The following RETREG1 variants were observed in gnomAD, a reference collection of about 807,000 sequenced individuals.
RETREG1 encodes reticulophagy regulator 1, also known as family with sequence similarity 134 member B.
In RETREG1, 44 loss-of-function variants were observed where a neutral mutation model predicts 54.8. The ratio of observed to expected loss-of-function variants is 0.80; its 90% CI spans 0.63 to 1.03. The LOEUF (loss-of-function observed/expected upper bound fraction) is 1.03, where lower values mean the gene tolerates loss of function less well. RETREG1 is among the 50% of genes least tolerant of loss of function. RETREG1 has a pLI of 0.00. For missense variants in RETREG1, 554 were observed against 605.1 expected (o/e 0.92, Z 0.89); for synonymous variants, 217 against 238.5 (o/e 0.91, Z 0.83).
At chr5:16,551,047 T>A (rs930238102) in intron 3 of RETREG1, among the ~76,000 whole-genome samples, 2 of 152,244 alleles carry the variant, frequency 1.3e-5, no homozygotes, top group African/African-American at 4.8e-5. Context: ...CTTGTAAATG[T>A]ACAAAATGTC....
At chr5:16,520,315 TG>T (rs769814620) in intron 3 of RETREG1, among the ~76,000 whole-genome samples, 1 of 131,382 alleles carries the variant, frequency 7.6e-6, no homozygotes, top group Non-Finnish European at 1.6e-5. Context: ...GGGGGTTTTG[TG>T]GTTTTTTTTT....
chr5:16,535,262 G>A (rs1371308872), intron 3 of RETREG1, among the ~76,000 whole-genome samples: 4 of 152,208 alleles, frequency 2.6e-5, no homozygotes, highest in East Asian at 1.9e-4. Flanking sequence ...CTCTGAGTGC[G>A]CTCATTGATT....
At chr5:16,530,091 C>T (rs1046366028) in intron 3 of RETREG1, among the ~76,000 whole-genome samples, 5 of 152,340 alleles carry the variant, frequency 3.3e-5, no homozygotes, top group South Asian at 2.1e-4. Flanking sequence ...TCCCAATAAA[C>T]GCCTTGCATG....
At chr5:16,546,172 T>C (rs918499591) in intron 3 of RETREG1, among the ~76,000 whole-genome samples, 2 of 152,122 alleles carry the variant, frequency 1.3e-5, no homozygotes, top group Non-Finnish European at 2.9e-5. Context: ...AAATTTTATA[T>C]CTTTTTTTTT....
intron 1 of RETREG1, 85 bp from the exon 2 acceptor site, chr5:16,572,187 A>C (rs1742192736): frequency 2.2e-6 from 2 of 900,520 alleles, no homozygotes. Context: ...CCACAGAAAC[A>C]AAAAAGGTAT....
intron 3 of RETREG1, among the ~76,000 whole-genome samples, chr5:16,535,336 C>T (rs1741028697): frequency 6.6e-6 from 1 of 152,256 alleles, no homozygotes; most frequent in African/African-American, 2.4e-5. Flanking sequence ...TGTGTGCACG[C>T]TGCCTTCACA....
At chr5:16,615,329 G>A (rs887106848) in intron 1 of RETREG1, among the ~76,000 whole-genome samples, 26 of 149,396 alleles carry the variant, frequency 1.7e-4, no homozygotes, top group African/African-American at 6.4e-4. Flanking sequence ...GAACCCGGGA[G>A]GCAGAGCTTG....
intron 1 of RETREG1, among the ~76,000 whole-genome samples, chr5:16,607,709 A>AGATGG (rs1230813060): frequency 2.0e-5 from 3 of 152,144 alleles, no homozygotes; most frequent in African/African-American, 4.8e-5. Context: ...TTAGGGTAAT[A>AGATGG]GATGGGTATT....
intron 3 of RETREG1, among the ~76,000 whole-genome samples, chr5:16,491,333 T>C (rs1739239007): frequency 6.6e-6 from 1 of 152,222 alleles, no homozygotes; most frequent in African/African-American, 2.4e-5. Flanking sequence ...AATTAATTTA[T>C]GACATTTGTA....
chr5:16,486,874 G>A (rs559421714), intron 3 of RETREG1, among the ~76,000 whole-genome samples: 2 of 151,830 alleles, frequency 1.3e-5, no homozygotes, highest in Admixed American at 1.3e-4. Flanking sequence ...CAAGATCTAC[G>A]CTTAGTGGTT....
At chr5:16,616,525 T>TG in intron 1 of RETREG1, 127 bp downstream of exon 1, 1 of 1,444,614 alleles carries the variant, frequency 6.9e-7, no homozygotes, top group South Asian at 1.3e-5. Context: ...GCCGAGAAAG[T>TG]GGGGCAGGGC....
chr5:16,497,448 G>T (rs146427688), intron 3 of RETREG1, among the ~76,000 whole-genome samples: 8 of 152,196 alleles, frequency 5.3e-5, no homozygotes, highest in Non-Finnish European at 2.9e-5. Flanking sequence ...AATGACAAAG[G>T]CTTTCCTCTG....
intron 1 of RETREG1, among the ~76,000 whole-genome samples, chr5:16,587,216 G>T (rs2560824): frequency 0.079 from 11,989 of 152,238 alleles, 525 homozygotes; most frequent in Non-Finnish European, 0.1. Context: ...TCAAGGAACC[G>T]TCCTAGGCAT....
At chr5:16,503,726 T>G (rs957367954) in intron 3 of RETREG1, among the ~76,000 whole-genome samples, 6 of 151,982 alleles carry the variant, frequency 3.9e-5, no homozygotes, top group Non-Finnish European at 8.8e-5. Context: ...CACAAACTTT[T>G]ATTGAATGTC....
At chr5:16,589,269 C>T (rs1307304139) in intron 1 of RETREG1, among the ~76,000 whole-genome samples, 4 of 151,232 alleles carry the variant, frequency 2.6e-5, no homozygotes, top group Non-Finnish European at 5.9e-5. Context: ...CCACTGGGTG[C>T]GGCAACCCTG....
At chr5:16,543,156 T>C (rs1368602210) in intron 3 of RETREG1, among the ~76,000 whole-genome samples, 1 of 152,248 alleles carries the variant, frequency 6.6e-6, no homozygotes, top group Non-Finnish European at 1.5e-5. Flanking sequence ...TGTTATTTGA[T>C]TTGTATCAAT....
At chr5:16,527,800 A>ATTTTTT (rs386403108) in intron 3 of RETREG1, among the ~76,000 whole-genome samples, 9,881 of 65,866 alleles carry the variant, frequency 0.15, 2,645 homozygotes, top group Non-Finnish European at 0.19. Flanking sequence ...AGGGACTCTA[A>ATTTTTT]TTTTTTTTTT....
At position 16,594,080 on chromosome 5, in the gene RETREG1, T is replaced by C. The variant is rs1189534500; in HGVS notation, c.321-21978A>G. Reference sequence around the variant, plus strand: ...AATGTATTAGATCACAGTCTCACAATCTTAAGATACAACTTGTCTGTACCA... The same window carrying C: ...AATGTATTAGATCACAGTCTCACAACCTTAAGATACAACTTGTCTGTACCA... On this transcript the variant is annotated intron_variant, in intron 1 of 8. Transcript: ENST00000306320. This position sits in a 1 kb window ranked among gnomAD's most constrained non-coding sequence, Gnocchi z 4.4. 1.3e-5 allele frequency among the ~76,000 whole-genome samples: 2 copies of C among 152,232 alleles called. No individual in the cohort carries two copies. Among genetic ancestry groups the C allele is most frequent in the Non-Finnish European group, 2.9e-5 (2 of 68,050 alleles).
intron 3 of RETREG1, among the ~76,000 whole-genome samples, chr5:16,534,909 C>A (rs1198583687): frequency 6.6e-6 from 1 of 152,130 alleles, no homozygotes; most frequent in Non-Finnish European, 1.5e-5. Context: ...TTTTACTGAG[C>A]ATTTATTAAG....
Sources: allele counts gnomAD v4.1 joint callset (sites outside exome capture counted in the v4.1 genomes callset), GRCh38; gene constraint gnomAD v4.1.1; non-coding constraint Gnocchi (gnomAD v3.1); transcripts MANE v1.5; gene names NCBI Gene and HGNC (gene_info 2026-07-23, HGNC 2026-07-21).